The following LRRTM4 variants were observed in gnomAD, a reference collection of about 807,000 sequenced individuals.
The protein encoded by LRRTM4 is leucine rich repeat transmembrane neuronal 4.
Under a neutral mutation model 47.6 loss-of-function variants are expected in LRRTM4, and 25 were observed. The observed-to-expected ratio is 0.53, with a 90% confidence interval of 0.38 to 0.73. The LOEUF (loss-of-function observed/expected upper bound fraction) is 0.73, where lower values mean the gene tolerates loss of function less well. Ranked by LOEUF, LRRTM4 falls within the 30% of genes least tolerant of loss-of-function variation. The probability of loss-of-function intolerance (pLI) is 0.00; values close to 1 mark genes in which losing one functional copy is unlikely to be tolerated. For synonymous variants in LRRTM4, 311 were observed against 269.5 expected, an observed-to-expected ratio of 1.15 and a Z score of -1.51; for missense variants, 638 against 713.4, an observed-to-expected ratio of 0.89 and a Z score of 1.20.
At chr2:76,899,962 C>T (rs1350564349) in intron 3 of LRRTM4, among the ~76,000 whole-genome samples, 1 of 152,112 alleles carries the variant, frequency 6.6e-6, no homozygotes, top group Admixed American at 6.6e-5. Context: ...GGTGCGGTGG[C>T]TCACACCTGT....
chr2:76,761,504 T>C (rs1673253561), intron 3 of LRRTM4, among the ~76,000 whole-genome samples: 1 of 152,230 alleles, frequency 6.6e-6, no homozygotes, highest in Non-Finnish European at 1.5e-5. Flanking sequence ...TAGCTACTTG[T>C]AGGTGAATTT....
At chr2:76,947,160 A>G (rs1165661148) in intron 3 of LRRTM4, among the ~76,000 whole-genome samples, 1 of 151,890 alleles carries the variant, frequency 6.6e-6, no homozygotes, top group East Asian at 1.9e-4. Context: ...AACAGAAGGA[A>G]TAATGGAGTA....
At chr2:76,855,117 A>G (rs994782791) in intron 3 of LRRTM4, among the ~76,000 whole-genome samples, 1 of 152,214 alleles carries the variant, frequency 6.6e-6, no homozygotes, top group East Asian at 1.9e-4. Context: ...GGCAGAGGGG[A>G]CTGCAAGAGC....
intron 3 of LRRTM4, among the ~76,000 whole-genome samples, chr2:77,347,678 T>C (rs1412728306): frequency 6.6e-6 from 1 of 152,128 alleles, no homozygotes; most frequent in Non-Finnish European, 1.5e-5. Flanking sequence ...CAAGTCTTCA[T>C]TTTTCATATT....
chr2:77,325,760 G>C (rs772570657), intron 3 of LRRTM4, among the ~76,000 whole-genome samples: 2 of 152,124 alleles, frequency 1.3e-5, no homozygotes, highest in Non-Finnish European at 2.9e-5. Context: ...ATGTGTGAAA[G>C]CTTTTTTCCC....
chr2:77,155,428 T>G (rs1171779351), intron 3 of LRRTM4, among the ~76,000 whole-genome samples: 1 of 151,886 alleles, frequency 6.6e-6, no homozygotes, highest in East Asian at 1.9e-4. Context: ...TGCATTTATA[T>G]CATATGAGAC....
intron 3 of LRRTM4, among the ~76,000 whole-genome samples, chr2:77,102,197 C>T (rs1444559334): frequency 6.6e-6 from 1 of 152,120 alleles, no homozygotes; most frequent in African/African-American, 2.4e-5. Flanking sequence ...GATGTTTCTC[C>T]ACCACAACCC....
chr2:76,867,815 C>A (rs573697220), intron 3 of LRRTM4, among the ~76,000 whole-genome samples: 1 of 152,114 alleles, frequency 6.6e-6, no homozygotes, highest in South Asian at 2.1e-4. Context: ...TCAGGTACAC[C>A]CTTTCCCCTT....
intron 3 of LRRTM4, among the ~76,000 whole-genome samples, chr2:76,779,358 G>T (rs1157101756): frequency 6.6e-6 from 1 of 150,864 alleles, no homozygotes; most frequent in South Asian, 2.1e-4. Flanking sequence ...GTTGACAGTG[G>T]GGTGTTAAAG....
chr2:77,110,674 A>G (rs917050050), intron 3 of LRRTM4, among the ~76,000 whole-genome samples: 1 of 152,184 alleles, frequency 6.6e-6, no homozygotes, highest in Non-Finnish European at 1.5e-5. Context: ...TATACCATGC[A>G]ATATTGAAGT....
intron 3 of LRRTM4, among the ~76,000 whole-genome samples, chr2:77,156,350 A>G (rs1318758800): frequency 6.6e-6 from 1 of 151,608 alleles, no homozygotes; most frequent in Admixed American, 6.6e-5. Context: ...AAAAAGTCAT[A>G]TTTGAAAAAC....
In LRRTM4 at chr2:77,298,773, T is replaced by C. The variant is rs980971830; in HGVS notation, c.1551+219545A>G. On this transcript the variant is annotated intron_variant, in intron 3 of 3. Coordinates refer to ENST00000409884, the MANE Select transcript of LRRTM4 (RefSeq NM_001134745.3). The stretch of plus-strand genomic sequence containing the variant: ...TTAATCTTCCATTCATCAGAAAATA[T>C]CCTGCTGCTATCATTAGAGAGGAAA... Among the ~76,000 whole-genome samples, 4 of 152,300 alleles carry C rather than the reference T, an allele frequency of 2.6e-5. No homozygotes were observed. The East Asian group carries it at 7.7e-4, about 29-fold the overall frequency.
chr2:76,781,419 G>C (rs1674383523), intron 3 of LRRTM4, among the ~76,000 whole-genome samples: 1 of 152,368 alleles, frequency 6.6e-6, no homozygotes, highest in South Asian at 2.1e-4. Flanking sequence ...CGTGGGCGTA[G>C]GACCCTCCGA....
Position 77,366,047 on chromosome 2 carries a change from T to C in LRRTM4, c.1551+152271A>G, listed in dbSNP as rs189880311. 2.2e-4 allele frequency among the ~76,000 whole-genome samples: 33 copies of C among 151,704 alleles called. No homozygotes were observed. In the East Asian group the frequency reaches 4.6e-3, roughly 21 times the overall value. Reference sequence around the variant, plus strand: ...GGAAATAAAATATGCCAGATTGATGTATTTCTTTGAAAGTTAAGTCTAGCA... The same window carrying C: ...GGAAATAAAATATGCCAGATTGATGCATTTCTTTGAAAGTTAAGTCTAGCA... On this transcript the variant is annotated intron_variant, in intron 3 of 3. Transcript: ENST00000409884.
At chr2:76,836,429 T>A (rs1010888191) in intron 3 of LRRTM4, among the ~76,000 whole-genome samples, 5 of 152,008 alleles carry the variant, frequency 3.3e-5, no homozygotes, top group African/African-American at 1.2e-4. Flanking sequence ...TTTGCAAATT[T>A]CCACTCCGGG....
chr2:77,222,050 A>T (rs1036946982), intron 3 of LRRTM4, among the ~76,000 whole-genome samples: 34 of 152,156 alleles, frequency 2.2e-4, no homozygotes, highest in Non-Finnish European at 4.4e-4. Context: ...GGATTAAGAA[A>T]CTCACTCAAA....
chr2:77,110,133 TA>T (rs1170379767), intron 3 of LRRTM4, among the ~76,000 whole-genome samples: 1 of 152,044 alleles, frequency 6.6e-6, no homozygotes, highest in East Asian at 1.9e-4. Context: ...GTAAGCAGGA[TA>T]AAAAAGTGAA....
chr2:77,463,047 A>G (rs1239869436), intron 3 of LRRTM4, among the ~76,000 whole-genome samples: 2 of 152,096 alleles, frequency 1.3e-5, no homozygotes, highest in African/African-American at 4.8e-5. Context: ...GTGGAAATAC[A>G]TTCTGAGAAA....
At position 77,478,373 on chromosome 2, in the gene LRRTM4, A is replaced by G. The variant is rs1573469092; in HGVS notation, c.1551+39945T>C. ...TCGGGTTTCACAATCTTCAAAATTG[A>G]GAGCCATAATTGATATCAACTTCTT... On this transcript the variant is annotated intron_variant, in intron 3 of 3. Transcript: ENST00000409884. 2.6e-5 allele frequency among the ~76,000 whole-genome samples: 4 copies of G among 152,350 alleles called. No homozygotes were observed. The South Asian group carries it at 8.3e-4, about 32-fold the overall frequency.
Sources: gnomAD v4.1 joint callset for allele counts (sites outside exome capture counted in the v4.1 genomes callset) on GRCh38, gnomAD v4.1.1 for gene constraint, MANE v1.5 for transcripts, NCBI Gene and HGNC (gene_info 2026-07-23, HGNC 2026-07-21) for gene names.